Variants in STX18 observed in about 807,000 individuals in gnomAD.
The protein encoded by STX18 is syntaxin 18.
Under a neutral mutation model 50.1 loss-of-function variants are expected in STX18, and 40 were observed. That is an observed-to-expected ratio of 0.80 (90% CI 0.62 to 1.04). The LOEUF is 1.04. Ranked by LOEUF, STX18 falls within the 50% of genes least tolerant of loss-of-function variation. The probability of loss-of-function intolerance (pLI) is 0.00; values close to 1 mark genes in which losing one functional copy is unlikely to be tolerated. For synonymous variants in STX18, 158 were observed against 151.8 expected (o/e 1.04, Z -0.30); for missense variants, 410 against 415.8 (o/e 0.99, Z 0.12).
At chr4:4,538,971 G>C (rs188291848) in intron 1 of STX18, among the ~76,000 whole-genome samples, 2 of 152,294 alleles carry the variant, frequency 1.3e-5, no homozygotes, top group Admixed American at 1.3e-4. Flanking sequence ...ACATGCATTT[G>C]AGTATATATA....
chr4:4,504,313 C>A (rs1729593840), intron 1 of STX18, among the ~76,000 whole-genome samples: 1 of 152,056 alleles, frequency 6.6e-6, no homozygotes, highest in African/African-American at 2.4e-5. Context: ...TTCAGATTTA[C>A]TTCTTATGTA....
intron 5 of STX18, among the ~76,000 whole-genome samples, chr4:4,439,199 T>C (rs1273451671): frequency 1.7e-5 from 2 of 114,640 alleles, no homozygotes; most frequent in African/African-American, 7.2e-5. Context: ...ACCCCATATA[T>C]ATACATACAT....
intron 1 of STX18, among the ~76,000 whole-genome samples, chr4:4,532,944 CT>C (rs1258843881): frequency 8.5e-5 from 13 of 152,156 alleles, no homozygotes; most frequent in African/African-American, 2.9e-4. Flanking sequence ...AAGTGTCTCT[CT>C]CTTGGTTAAA....
chr4:4,430,329 C>A (rs1385647499), intron 7 of STX18, among the ~76,000 whole-genome samples: 1 of 152,168 alleles, frequency 6.6e-6, no homozygotes, highest in Non-Finnish European at 1.5e-5. Flanking sequence ...TGTTGTATTT[C>A]TTTCTCTTTA....
At chr4:4,486,462 T>C (rs2108857465) in intron 1 of STX18, among the ~76,000 whole-genome samples, 1 of 152,376 alleles carries the variant, frequency 6.6e-6, no homozygotes, top group Non-Finnish European at 1.5e-5. Context: ...TTTGAGTGAA[T>C]ATGCAACAAA....
chr4:4,522,513 G>A (rs1057249499), intron 1 of STX18, among the ~76,000 whole-genome samples: 4 of 152,180 alleles, frequency 2.6e-5, no homozygotes, highest in Admixed American at 2.6e-4. Flanking sequence ...GAGGAGTTGA[G>A]AATATTGCCA....
chr4:4,421,029 A>C (rs80225626), intron 9 of STX18, 85 bp from the exon 10 acceptor site: 65,266 of 1,338,720 alleles, frequency 0.049, 1,855 homozygotes, highest in Middle Eastern at 0.062. Flanking sequence ...ATTTCCTTTG[A>C]GTGTCATGTC....
At chr4:4,492,103 C>G (rs921822816) in intron 1 of STX18, among the ~76,000 whole-genome samples, 5 of 152,078 alleles carry the variant, frequency 3.3e-5, no homozygotes, top group Admixed American at 3.3e-4. Flanking sequence ...GTAATAGCTT[C>G]TCTTATAGGG....
chr4:4,458,722 A>T (rs1727210005), intron 3 of STX18, among the ~76,000 whole-genome samples: 1 of 152,218 alleles, frequency 6.6e-6, no homozygotes, highest in Non-Finnish European at 1.5e-5. Context: ...GTAGGAATTT[A>T]ACTTAATGCT....
intron 7 of STX18, among the ~76,000 whole-genome samples, chr4:4,431,084 T>C (rs575288925): frequency 3.9e-4 from 59 of 152,216 alleles, no homozygotes; most frequent in African/African-American, 1.1e-3. Flanking sequence ...TAGCTCACCA[T>C]TGCCTGCCAG....
intron 1 of STX18, among the ~76,000 whole-genome samples, chr4:4,472,188 C>G (rs1193910444): frequency 6.6e-6 from 1 of 152,188 alleles, no homozygotes; most frequent in Non-Finnish European, 1.5e-5. Context: ...CATAGCAAAT[C>G]TCTGTCTTTC....
intron 2 of STX18, among the ~76,000 whole-genome samples, chr4:4,464,336 A>G (rs1000814343): frequency 6.6e-6 from 1 of 152,218 alleles, no homozygotes; most frequent in Admixed American, 6.5e-5. Context: ...AGTGTTGCTT[A>G]TAATGTTTTT....
At chr4:4,425,319 GC>G in intron 7 of STX18, 97 bp from the exon 8 acceptor site, 1 of 1,136,174 alleles carries the variant, frequency 8.8e-7, no homozygotes, top group Non-Finnish European at 1.3e-6. Context: ...CACTGCCGAA[GC>G]CCCCATTTCC....
Position 4,442,180 on chromosome 4 carries a change from T to C in STX18, c.498-3671A>G, listed in dbSNP as rs73793302. On this transcript the variant is annotated intron_variant, in intron 5 of 10. Transcript: ENST00000306200. ...GACTCAACTGCATATATGTATTTAA[T>C]ATATGATATGGTTTAATAAGTTGCA... 7.9e-3 allele frequency among the ~76,000 whole-genome samples: 1,200 copies of C among 152,330 alleles called. 14 individuals carry two copies. Among genetic ancestry groups the C allele is most frequent in the African/African-American group, 0.027 (1,141 of 41,586 alleles).
intron 9 of STX18, among the ~76,000 whole-genome samples, chr4:4,422,323 T>A (rs1313189322): frequency 1.3e-5 from 2 of 151,920 alleles, no homozygotes; most frequent in Non-Finnish European, 2.9e-5. Context: ...TCCCAGCACT[T>A]TGGGAGGCCA....
At chr4:4,528,948 T>G (rs1302047291) in intron 1 of STX18, among the ~76,000 whole-genome samples, 1 of 152,120 alleles carries the variant, frequency 6.6e-6, no homozygotes, top group Non-Finnish European at 1.5e-5. Context: ...GGAATTACAA[T>G]TTTTTTTCAA....
intron 7 of STX18, chr4:4,425,547 C>G (rs974977306): frequency 2.5e-5 from 11 of 438,916 alleles, no homozygotes; most frequent in Non-Finnish European, 4.5e-5. Context: ...TGCTTCCTGA[C>G]TCTAGTACCA....
chr4:4,484,084 G>A (rs927609318), intron 1 of STX18, among the ~76,000 whole-genome samples: 3 of 152,028 alleles, frequency 2.0e-5, no homozygotes, highest in Non-Finnish European at 2.9e-5. Context: ...GGATGGTCTT[G>A]ATCTCCTGAC....
At chr4:4,504,212 T>C (rs911822382) in intron 1 of STX18, among the ~76,000 whole-genome samples, 1 of 152,236 alleles carries the variant, frequency 6.6e-6, no homozygotes, top group African/African-American at 2.4e-5. Flanking sequence ...AGCTGGATCA[T>C]GCCATGCTTT....
Sources: gnomAD v4.1 joint callset for allele counts (sites outside exome capture counted in the v4.1 genomes callset) on GRCh38, gnomAD v4.1.1 for gene constraint, MANE v1.5 for transcripts, NCBI Gene and HGNC (gene_info 2026-07-23, HGNC 2026-07-21) for gene names.